Variants in PKHD1 observed in about 807,000 individuals in gnomAD.
The protein encoded by PKHD1 is PKHD1 ciliary IPT domain containing fibrocystin/polyductin, also known as fibrocystin.
PKHD1 carries 291 observed loss-of-function variants against 412.0 expected under a neutral mutation model. That is an observed-to-expected ratio of 0.71 (90% CI 0.64 to 0.78). The LOEUF is 0.78. PKHD1 is among the 30% of genes least tolerant of loss of function. The pLI is 0.00. For missense variants in PKHD1, 4,825 were observed against 4,950.7 expected, an observed-to-expected ratio of 0.97 and a Z score of 0.76; for synonymous variants, 1,777 against 1,821.5, an observed-to-expected ratio of 0.98 and a Z score of 0.62.
chr6:51,888,321 T>C (rs1259085519), intron 43 of PKHD1, among the ~76,000 whole-genome samples: 1 of 152,244 alleles, frequency 6.6e-6, no homozygotes, highest in African/African-American at 2.4e-5. Flanking sequence ...GGGGATCTAA[T>C]TCTGATCAAA....
chr6:51,753,064 G>A, intron 57 of PKHD1, 137 bp downstream of exon 57: 1 of 748,784 alleles, frequency 1.3e-6, no homozygotes, highest in East Asian at 2.6e-5. Flanking sequence ...AAAATTCATA[G>A]CTTCTCCAAG....
intron 21 of PKHD1, among the ~76,000 whole-genome samples, chr6:52,052,165 G>T (rs934086426): frequency 1.3e-5 from 2 of 152,116 alleles, no homozygotes; most frequent in Non-Finnish European, 2.9e-5. Flanking sequence ...CTTGGAGAGG[G>T]AAATAAACTA....
At chr6:52,004,860 T>A (rs1373899783) in intron 35 of PKHD1, among the ~76,000 whole-genome samples, 2 of 152,324 alleles carry the variant, frequency 1.3e-5, no homozygotes, top group African/African-American at 4.8e-5. Context: ...TTAGAGGCTA[T>A]GTTCACTTCA....
intron 60 of PKHD1, among the ~76,000 whole-genome samples, chr6:51,679,007 T>C (rs1178854420): frequency 6.6e-6 from 1 of 152,090 alleles, no homozygotes; most frequent in Non-Finnish European, 1.5e-5. Flanking sequence ...GCAGCAGTAA[T>C]TTCTGCTGGG....
At chr6:51,707,653 C>T (rs995341989) in intron 60 of PKHD1, among the ~76,000 whole-genome samples, 1 of 152,138 alleles carries the variant, frequency 6.6e-6, no homozygotes, top group Non-Finnish European at 1.5e-5. Context: ...TCCCTACGTA[C>T]TCCCACTTAC....
chr6:51,771,004 A>G (rs1416156778), intron 55 of PKHD1, among the ~76,000 whole-genome samples: 1 of 152,140 alleles, frequency 6.6e-6, no homozygotes, highest in Non-Finnish European at 1.5e-5. Flanking sequence ...TTGGGGAAGA[A>G]GAAATTCTGC....
chr6:51,867,601 G>A (rs764753732), intron 48 of PKHD1, among the ~76,000 whole-genome samples: 4 of 152,080 alleles, frequency 2.6e-5, no homozygotes, highest in Non-Finnish European at 5.9e-5. Context: ...CTAAGAAGAA[G>A]TTATTAGCCC....
At chr6:51,936,758 A>C (rs1228847764) in intron 36 of PKHD1, among the ~76,000 whole-genome samples, 2 of 144,518 alleles carry the variant, frequency 1.4e-5, no homozygotes, top group African/African-American at 5.2e-5. Context: ...CAGCATTAAC[A>C]TTAAAACAGA....
chr6:51,881,090 T>C (rs1349855563), intron 46 of PKHD1, among the ~76,000 whole-genome samples: 1 of 149,766 alleles, frequency 6.7e-6, no homozygotes, highest in Non-Finnish European at 1.5e-5. Context: ...TTTTTTTTTT[T>C]TTCTTTTTTT....
At chr6:51,651,547 A>G (rs947869117) in intron 61 of PKHD1, among the ~76,000 whole-genome samples, 2 of 152,146 alleles carry the variant, frequency 1.3e-5, no homozygotes, top group East Asian at 1.9e-4. Flanking sequence ...GGAAAAGGGC[A>G]CTGTCTTCTT....
At chr6:51,888,070 T>A (rs1362198090) in intron 43 of PKHD1, among the ~76,000 whole-genome samples, 2 of 152,206 alleles carry the variant, frequency 1.3e-5, no homozygotes, top group Non-Finnish European at 2.9e-5. Flanking sequence ...TCTCTGGCTC[T>A]TTGAACAACT....
At position 51,896,970 on chromosome 6, in the gene PKHD1, A is replaced by G. The variant is rs916951153; in HGVS notation, c.6996+6627T>C. On this transcript the variant is annotated intron_variant, in intron 43 of 66. Transcript: ENST00000371117. ...AGAAGGGAAGTTTAGAGAAAAAAGAATAAAAAGAAATGAGCAAAGCCTCCA... is the reference window on the plus strand; with the variant it reads ...AGAAGGGAAGTTTAGAGAAAAAAGAGTAAAAAGAAATGAGCAAAGCCTCCA... 1.3e-4 allele frequency among the ~76,000 whole-genome samples: 20 copies of G among 151,966 alleles called. 1 individual carries two copies. The highest frequency in any genetic ancestry group is 4.8e-4 in the African/African-American group (20 of 41,358).
intron 35 of PKHD1, among the ~76,000 whole-genome samples, chr6:51,998,535 C>T (rs1797972160): frequency 6.6e-6 from 1 of 152,224 alleles, no homozygotes; most frequent in Admixed American, 6.5e-5. Context: ...TATTCTGCAT[C>T]TCCCATCAAA....
At chr6:51,966,277 T>C (rs571623124) in intron 35 of PKHD1, among the ~76,000 whole-genome samples, 16 of 152,256 alleles carry the variant, frequency 1.1e-4, no homozygotes, top group Non-Finnish European at 1.9e-4. Context: ...CTTGGTTCCA[T>C]CCAGGACAAC....
Position 51,830,889 on chromosome 6 carries a change from G to T in PKHD1, c.8274C>A (p.Gly2758=), listed in dbSNP as rs368178645. 6.2e-7 allele frequency: 1 copy of T among 1,612,730 alleles called. No individual in the cohort carries two copies. The change falls in exon 52 of 67, where the codon GGC becomes GGA. Residue 2758 remains glycine, a synonymous_variant. Transcript: ENST00000371117. ...GWGGYNNTIP[G]PGDDVLILPN... ...GTAAAATGAGAACGTCATCCCCAGG[G>T]CCTGGAATGGTATTGTTGTATCCTC...
chr6:51,861,357 C>T (rs1370835231), intron 48 of PKHD1, among the ~76,000 whole-genome samples: 1 of 152,144 alleles, frequency 6.6e-6, no homozygotes, highest in Non-Finnish European at 1.5e-5. Flanking sequence ...TCCTGAGGGT[C>T]CATATCTGTG....
chr6:51,979,166 T>C (rs918503178), intron 35 of PKHD1, among the ~76,000 whole-genome samples: 3 of 152,128 alleles, frequency 2.0e-5, no homozygotes, highest in Non-Finnish European at 2.9e-5. Context: ...TGCAGTTACA[T>C]AGAGAAGAAA....
chr6:51,647,617 T>A (rs1465526824), intron 63 of PKHD1, among the ~76,000 whole-genome samples: 1 of 152,122 alleles, frequency 6.6e-6, no homozygotes, highest in Non-Finnish European at 1.5e-5. Context: ...TATTTCCCCA[T>A]AGAAATCATA....
chr6:51,927,435 A>G (rs575037185), intron 37 of PKHD1, among the ~76,000 whole-genome samples: 12 of 152,318 alleles, frequency 7.9e-5, no homozygotes, highest in African/African-American at 2.9e-4. Flanking sequence ...CCATCCCTGG[A>G]GCAGAGTCCA....
Sources: allele counts gnomAD v4.1 joint callset (sites outside exome capture counted in the v4.1 genomes callset), GRCh38; gene constraint gnomAD v4.1.1; transcripts MANE v1.5; gene names NCBI Gene and HGNC (gene_info 2026-07-23, HGNC 2026-07-21).